Variants in TSPAN5 observed in about 807,000 individuals in gnomAD.
The protein encoded by TSPAN5 is tetraspanin 5.
Under a neutral mutation model 37.1 loss-of-function variants are expected in TSPAN5, and 10 were observed. The ratio of observed to expected loss-of-function variants is 0.27; its 90% confidence interval spans 0.17 to 0.46. The LOEUF is 0.46. Among genes scored for constraint, TSPAN5 ranks in the 20% least tolerant of loss-of-function variants. The pLI is 1.00. For missense variants in TSPAN5, 195 were observed against 326.6 expected, an observed-to-expected ratio of 0.60 and a Z score of 3.11; for synonymous variants, 110 against 118.9, an observed-to-expected ratio of 0.93 and a Z score of 0.48.
intron 1 of TSPAN5, among the ~76,000 whole-genome samples, chr4:98,607,367 A>ATG (rs1315307268): frequency 1.3e-5 from 2 of 152,326 alleles, no homozygotes; most frequent in East Asian, 3.9e-4. Context: ...GTGTTGAGGA[A>ATG]TGCGACATGT....
At chr4:98,608,370 C>T (rs934349415) in intron 1 of TSPAN5, among the ~76,000 whole-genome samples, 1 of 152,242 alleles carries the variant, frequency 6.6e-6, no homozygotes, top group Admixed American at 6.5e-5. Context: ...ATTCACAGAC[C>T]CCTGGCCCCA....
chr4:98,592,165 AC>A (rs1755650129), intron 1 of TSPAN5, among the ~76,000 whole-genome samples: 4 of 150,142 alleles, frequency 2.7e-5, no homozygotes, highest in African/African-American at 5.0e-5. Context: ...ATGAACCATT[AC>A]CTTTATCTCA....
intron 1 of TSPAN5, among the ~76,000 whole-genome samples, chr4:98,553,286 G>A (rs1754663278): frequency 6.6e-6 from 1 of 152,038 alleles, no homozygotes. Flanking sequence ...CCAAGAGGAA[G>A]GAAAACTAAA....
chr4:98,516,437 C>T (rs902378086), intron 1 of TSPAN5, among the ~76,000 whole-genome samples: 7 of 152,328 alleles, frequency 4.6e-5, no homozygotes, highest in Non-Finnish European at 8.8e-5. Flanking sequence ...TGACTGCTTC[C>T]AGCTTCTTAT....
At chr4:98,619,196 C>T (rs1238622293) in intron 1 of TSPAN5, among the ~76,000 whole-genome samples, 4 of 152,212 alleles carry the variant, frequency 2.6e-5, no homozygotes, top group Non-Finnish European at 2.9e-5. Context: ...TTTAATTCTG[C>T]TTATCTCTTT....
At chr4:98,607,632 C>A (rs568933329) in intron 1 of TSPAN5, among the ~76,000 whole-genome samples, 33 of 152,034 alleles carry the variant, frequency 2.2e-4, no homozygotes, top group Non-Finnish European at 4.1e-4. Context: ...TTTGTTACAA[C>A]CTTCCTTACA....
At chr4:98,487,823 A>C (rs78727031) in intron 2 of TSPAN5, among the ~76,000 whole-genome samples, 1,773 of 152,324 alleles carry the variant, frequency 0.012, 14 homozygotes, top group South Asian at 0.022. Flanking sequence ...TTTCCACAAA[A>C]AATGACATTT....
intron 1 of TSPAN5, among the ~76,000 whole-genome samples, chr4:98,590,301 G>A (rs1755593983): frequency 6.6e-6 from 1 of 152,194 alleles, no homozygotes; most frequent in African/African-American, 2.4e-5. Context: ...TTTACCAAGT[G>A]CCTATGATGT....
chr4:98,520,893 G>T (rs6840610), intron 1 of TSPAN5, among the ~76,000 whole-genome samples: 31,609 of 148,366 alleles, frequency 0.21, 3,445 homozygotes, highest in South Asian at 0.25. Flanking sequence ...ATTTCCAGAA[G>T]AGTTTGTGTG....
intron 2 of TSPAN5, among the ~76,000 whole-genome samples, chr4:98,491,618 G>A (rs557841701): frequency 2.1e-3 from 318 of 151,920 alleles, no homozygotes; most frequent in African/African-American, 6.3e-3. Flanking sequence ...AACCCAGGAG[G>A]CAGAGGTTGC....
At position 98,549,814 on chromosome 4, in the gene TSPAN5, A is replaced by AT. The variant is rs199580856; in HGVS notation, c.82-42087dup. Among the ~76,000 whole-genome samples the AT allele has an allele frequency of 6.9e-3, 1,024 of 149,212 alleles. 10 individuals carry two copies. Among genetic ancestry groups the AT allele is most frequent in the Middle Eastern group, 0.014 (4 of 286 alleles). ...CCTTAGTTGGATGCATACTTTGGGA[A>AT]TTTTTTTTTCCTCATTCTGTAGGTT... On this transcript the variant is annotated intron_variant, in intron 1 of 7. Coordinates refer to ENST00000305798, the MANE Select transcript of TSPAN5 (RefSeq NM_005723.4).
At chr4:98,616,815 T>C (rs1224598555) in intron 1 of TSPAN5, among the ~76,000 whole-genome samples, 1 of 151,954 alleles carries the variant, frequency 6.6e-6, no homozygotes, top group Non-Finnish European at 1.5e-5. Context: ...AAAATAACGA[T>C]ACACTCCAAT....
chr4:98,538,364 C>T (rs1453391866), intron 1 of TSPAN5, among the ~76,000 whole-genome samples: 1 of 152,152 alleles, frequency 6.6e-6, no homozygotes, highest in African/African-American at 2.4e-5. Context: ...GGAGGCAGGT[C>T]CAGAAAGCCA....
chr4:98,654,971 C>T (rs959074544), intron 1 of TSPAN5, among the ~76,000 whole-genome samples: 11 of 152,210 alleles, frequency 7.2e-5, no homozygotes, highest in South Asian at 2.1e-4. Context: ...CTCAGCCTCC[C>T]GAGTAGCTGG....
intron 1 of TSPAN5, among the ~76,000 whole-genome samples, chr4:98,592,426 TTG>T (rs1480379761): frequency 0.039 from 4,088 of 105,072 alleles, 86 homozygotes; most frequent in South Asian, 0.091. Flanking sequence ...TCTCTGTTTT[TTG>T]TTTTTTTTTT....
chr4:98,551,137 C>T (rs1560533926), intron 1 of TSPAN5, among the ~76,000 whole-genome samples: 2 of 148,880 alleles, frequency 1.3e-5, no homozygotes, highest in Non-Finnish European at 2.9e-5. Flanking sequence ...TTGAGACGAT[C>T]ATATGTTTTT....
At chr4:98,515,496 T>C (rs1753707498) in intron 1 of TSPAN5, among the ~76,000 whole-genome samples, 1 of 150,260 alleles carries the variant, frequency 6.7e-6, no homozygotes, top group Non-Finnish European at 1.5e-5. Flanking sequence ...AATATACTAG[T>C]TCACAGTGAT....
At chr4:98,554,617 G>C (rs1754697513) in intron 1 of TSPAN5, among the ~76,000 whole-genome samples, 1 of 152,152 alleles carries the variant, frequency 6.6e-6, no homozygotes, top group Non-Finnish European at 1.5e-5. Context: ...TTTATTTCTA[G>C]ATTAAATTTG....
chr4:98,558,746 G>A (rs1754810016), intron 1 of TSPAN5, among the ~76,000 whole-genome samples: 1 of 152,166 alleles, frequency 6.6e-6, no homozygotes, highest in African/African-American at 2.4e-5. Flanking sequence ...GCGAGCCTCA[G>A]AGCAGAGTGG....
Sources: allele counts gnomAD v4.1 joint callset (sites outside exome capture counted in the v4.1 genomes callset), GRCh38; gene constraint gnomAD v4.1.1; transcripts MANE v1.5; gene names NCBI Gene and HGNC (gene_info 2026-07-23, HGNC 2026-07-21).